KCNK16: variants seen among roughly 807,000 people sequenced by gnomAD.
KCNK16 encodes potassium channel subfamily K member 16.
KCNK16 carries 23 observed loss-of-function variants against 23.0 expected under a neutral mutation model. The ratio of observed to expected loss-of-function variants is 1.00; its 90% CI spans 0.72 to 1.41. The LOEUF is 1.41. Among genes scored for constraint, KCNK16 ranks in the 40% most tolerant of loss-of-function variants. KCNK16 has a pLI of 0.00. For missense variants in KCNK16, 327 were observed against 365.8 expected, an observed-to-expected ratio of 0.89 and a Z score of 0.87; for synonymous variants, 145 against 153.5, an observed-to-expected ratio of 0.94 and a Z score of 0.41.
chr6:39,322,038 A>G (rs535655385), intron 1 of KCNK16, among the ~76,000 whole-genome samples: 6 of 152,210 alleles, frequency 3.9e-5, no homozygotes, highest in Non-Finnish European at 8.8e-5. Flanking sequence ...AGTGCTTTTA[A>G]TCTGCTGTCA....
chr6:39,316,685 T>C (rs1762330468), intron 4 of KCNK16, 97 bp downstream of exon 4: 2 of 1,420,884 alleles, frequency 1.4e-6, no homozygotes, highest in Non-Finnish European at 9.6e-7. Context: ...CCAAGGGCTA[T>C]CTTATCCTCA....
In KCNK16 at chr6:39,319,078, G is replaced by C. The variant is rs1762424439; in HGVS notation, c.269C>G (p.Pro90Arg). ...ACTGCTGCCAAAGTCCCAGTTGCTG[G>C]GGTTGGTAGAGTTGCCTTTGGGGTT... ...GVNPKGNSTN[P>R]SNWDFGSSFF... is the part of the protein sequence containing the mutation. Residue 90 changes from proline (P) to arginine (R), a missense_variant, in exon 2 of 5, where the codon CCC (proline) becomes CGC (arginine). Transcript: ENST00000437525. The surrounding 1 kb of genome is among the most constrained non-coding windows in gnomAD (Gnocchi z 4.2). 1 of 1,614,008 alleles carries C rather than the reference G, an allele frequency of 6.2e-7. No individual in the cohort carries two copies. Among genetic ancestry groups the C allele is most frequent in the African/African-American group, 1.3e-5 (1 of 74,918 alleles).
rs534826289 is a variant in KCNK16, at chr6:39,318,261, C to CT, written c.329-310dup. On this transcript the variant is annotated intron_variant, in intron 2 of 4. Transcript: ENST00000437525. ...TAATTATCGACTTTGTTTTCTATTA[C>CT]TTTTTTTTGTGTATTTATCATGTTC... is the stretch of plus-strand genomic sequence containing the variant. Among the ~76,000 whole-genome samples the CT allele has an allele frequency of 9.2e-4, 140 of 152,184 alleles. No homozygotes were observed. In the Middle Eastern group the frequency reaches 0.014, roughly 15 times the overall value.
downstream of KCNK16, chr6:39,315,021 T>C (rs1417176809): frequency 3.7e-6 from 6 of 1,606,428 alleles, no homozygotes; most frequent in Non-Finnish European, 5.1e-6. Context: ...CAGTCCTTTC[T>C]TGGATATGGG....
chr6:39,317,115 G>T (rs1762347662), intron 3 of KCNK16, among the ~76,000 whole-genome samples, 168 bp from the exon 4 acceptor site: 1 of 152,204 alleles, frequency 6.6e-6, no homozygotes, highest in African/African-American at 2.4e-5. Context: ...GCATGACCTT[G>T]TCCCACCCAG....
downstream of KCNK16, chr6:39,315,063 G>A: frequency 6.2e-7 from 1 of 1,614,030 alleles, no homozygotes; most frequent in Non-Finnish European, 8.5e-7. Context: ...GACTCCTCTT[G>A]CTGCTGTAGA....
At chr6:39,318,079 C>A in intron 2 of KCNK16, 127 bp from the exon 3 acceptor site, 1 of 857,074 alleles carries the variant, frequency 1.2e-6, no homozygotes, top group Non-Finnish European at 1.7e-6. Context: ...CTCCCCTGTT[C>A]CCATGAACTC....
chr6:39,315,172 G>C, downstream of KCNK16: 1 of 1,614,238 alleles, frequency 6.2e-7, no homozygotes, highest in Non-Finnish European at 8.5e-7. Flanking sequence ...ACTTGCTGTT[G>C]GATGATGGGA....
chr6:39,316,746 CCCCA>C lies in KCNK16; in HGVS notation c.661+32_661+35del, dbSNP rs755594142. 4.4e-6 allele frequency: 7 copies of C among 1,598,084 alleles called. No individual in the cohort carries two copies. The Admixed American group carries it at 1.2e-4, about 27-fold the overall frequency. ...CCATCCCCCAAATCCCAGTGGGCAC[CCCCA>C]CCCTGAGATAATGTGACTGTTTTGT... On this transcript the variant is annotated intron_variant, in intron 4 of 4. Coordinates refer to ENST00000437525, the MANE Select transcript of KCNK16 (RefSeq NM_001135106.2).
At chr6:39,320,222 C>T (rs528434731) in intron 1 of KCNK16, among the ~76,000 whole-genome samples, 1 of 140,616 alleles carries the variant, frequency 7.1e-6, no homozygotes, top group South Asian at 2.1e-4. Context: ...GTCTGCTTCT[C>T]CTCACTTTGA....
chr6:39,318,095 G>A, intron 2 of KCNK16, 143 bp from the exon 3 acceptor site: 1 of 764,868 alleles, frequency 1.3e-6, no homozygotes, highest in East Asian at 3.2e-5. Context: ...AACTCTGCTG[G>A]AATGATTTTT....
At chr6:39,317,073 A>C in intron 3 of KCNK16, 126 bp from the exon 4 acceptor site, 1 of 922,068 alleles carries the variant, frequency 1.1e-6, no homozygotes, top group Non-Finnish European at 1.6e-6. Flanking sequence ...CCTGCACTGC[A>C]GACCCTCGAG....
chr6:39,318,139 A>G lies in KCNK16; in HGVS notation c.329-187T>C, dbSNP rs566154837. Among the ~76,000 whole-genome samples the G allele has an allele frequency of 2.8e-3, 426 of 152,330 alleles. 5 individuals are homozygous for G. The highest frequency in any genetic ancestry group is 5.5e-3 in the Non-Finnish European group (373 of 68,034). ...GACTCCTGCTCATCTTTGAAGGCCCATCTCAAATGACTCTGCCTCCATGAA... is the reference window on the plus strand; with the variant it reads ...GACTCCTGCTCATCTTTGAAGGCCCGTCTCAAATGACTCTGCCTCCATGAA... On this transcript the variant is annotated intron_variant, in intron 2 of 4. Coordinates refer to ENST00000437525, the MANE Select transcript of KCNK16 (RefSeq NM_001135106.2).
chr6:39,317,576 G>A lies in KCNK16; in HGVS notation c.495+210C>T, dbSNP rs113919596. On this transcript the variant is annotated intron_variant, in intron 3 of 4. Transcript: ENST00000437525. ...GGGACAACTCTGACAGCTCTCACAT[G>A]CTGTAGAGCTCCTTGGGGCCAAGCC... is the stretch of plus-strand genomic sequence containing the variant. Among the ~76,000 whole-genome samples, 20 of 152,336 alleles carry A rather than the reference G, an allele frequency of 1.3e-4. 1 individual carries two copies. The highest frequency in any genetic ancestry group is 4.8e-4 in the African/African-American group (20 of 41,572).
downstream of KCNK16, chr6:39,314,918 A>G: frequency 1.5e-6 from 2 of 1,344,066 alleles, no homozygotes; most frequent in South Asian, 2.9e-5. Flanking sequence ...AGGCTTGTCC[A>G]CTCCTTGCTT....
chr6:39,316,277 C>T lies in KCNK16; in HGVS notation c.827G>A (p.Gly276Glu). Reference protein sequence around the residue: ...LLSRGLGVKDGAASDPSGLPR... With the variant: ...LLSRGLGVKDEAASDPSGLPR... The stretch of plus-strand genomic sequence containing the variant: ...GAGCCCACTGGGGTCAGAGGCTGCC[C>T]CATCCTTGACGCCGAGGCCCCTACT... Residue 276 changes from glycine to glutamate, a missense_variant, in exon 5 of 5, where the codon GGG becomes GAG. By Grantham distance (98) the Gly-to-Glu change is moderately conservative. Coordinates refer to ENST00000437525, the MANE Select transcript of KCNK16 (RefSeq NM_001135106.2). 2 of 1,593,072 alleles carry T rather than the reference C, an allele frequency of 1.3e-6. No individual in the cohort carries two copies. Among genetic ancestry groups the T allele is most frequent in the South Asian group, 1.1e-5 (1 of 87,426 alleles).
In KCNK16 at chr6:39,319,208, G is replaced by T; in HGVS notation, c.214-75C>A. On this transcript the variant is annotated intron_variant, in intron 1 of 4. Transcript: ENST00000437525. This position sits in a 1 kb window ranked among gnomAD's most constrained non-coding sequence, Gnocchi z 4.2. ...GGCACCAGTTGTTGCCATGCTTTTG[G>T]CAGCATGCTTTTGTGTCATCTCATC... 2.4e-6 allele frequency: 2 copies of T among 834,208 alleles called. No homozygotes were observed. The highest frequency in any genetic ancestry group is 4.2e-6 in the Non-Finnish European group (2 of 479,022). The allele number at this position is 834,208 out of a possible 1,614,324, so 51.7% of individuals were successfully genotyped here. A position where few individuals can be genotyped will look rare whatever the true frequency, so the allele number is the denominator to read the frequency against.
Position 39,316,886 on chromosome 6 carries a change from A to T in KCNK16, c.557T>A (p.Phe186Tyr). 1 of 1,614,096 alleles carries T rather than the reference A, an allele frequency of 6.2e-7. No individual in the cohort carries two copies. Among genetic ancestry groups the T allele is most frequent in the Non-Finnish European group, 8.5e-7 (1 of 1,180,008 alleles). The change falls in exon 4 of 5, where the codon TTC (phenylalanine) becomes TAC (tyrosine). Residue 186 changes from phenylalanine (F) to tyrosine (Y), a missense_variant. Coordinates refer to ENST00000437525, the MANE Select transcript of KCNK16 (RefSeq NM_001135106.2). ...CACATGGCTGAAGACCATGGGTGGGAAGATGAGAATGACCAGCGTCCCCAG... is the reference window on the plus strand; with the variant it reads ...CACATGGCTGAAGACCATGGGTGGGTAGATGAGAATGACCAGCGTCCCCAG... The part of the protein sequence containing the change: ...LTLGTLVILI[F>Y]PPMVFSHVEG...
chr6:39,315,210 C>T (rs766160967), downstream of KCNK16: 17 of 1,613,856 alleles, frequency 1.1e-5, no homozygotes, highest in East Asian at 2.2e-5. Flanking sequence ...TTCCAGGCCC[C>T]GGGATGGAGT....
Sources: gnomAD v4.1 joint callset for allele counts (sites outside exome capture counted in the v4.1 genomes callset) on GRCh38, gnomAD v4.1.1 for gene constraint, Gnocchi (gnomAD v3.1) non-coding constraint, MANE v1.5 for transcripts, NCBI Gene and HGNC (gene_info 2026-07-23, HGNC 2026-07-21) for gene names.